Variants in SCNN1B observed in about 807,000 individuals in gnomAD.
SCNN1B encodes epithelial sodium channel subunit beta.
A neutral mutation model predicts 65.3 loss-of-function variants in SCNN1B; 46 were observed. The ratio of observed to expected loss-of-function variants is 0.70; its 90% confidence interval spans 0.56 to 0.90. The LOEUF is 0.90. Ranked by LOEUF, SCNN1B falls within the 40% of genes least tolerant of loss-of-function variation. The pLI, the probability that SCNN1B is intolerant of heterozygous loss-of-function variation, is 0.00. For missense variants in SCNN1B, 751 were observed against 830.5 expected, an observed-to-expected ratio of 0.90 and a Z score of 1.18; for synonymous variants, 349 against 330.6, an observed-to-expected ratio of 1.06 and a Z score of -0.60.
chr16:23,316,422 C>T (rs1321788633), intron 1 of SCNN1B, among the ~76,000 whole-genome samples: 1 of 146,640 alleles, frequency 6.8e-6, no homozygotes, highest in Non-Finnish European at 1.5e-5. Flanking sequence ...ATCACCATCA[C>T]CATCTCCTTC....
intron 4 of SCNN1B, among the ~76,000 whole-genome samples, chr16:23,363,685 A>C (rs1354826806): frequency 1.3e-5 from 2 of 152,068 alleles, no homozygotes; most frequent in African/African-American, 4.8e-5. Flanking sequence ...GTGGTGGCAC[A>C]TGCCTGTAGT....
chr16:23,358,807 C>G (rs1396794412), intron 4 of SCNN1B, among the ~76,000 whole-genome samples: 8 of 152,120 alleles, frequency 5.3e-5, no homozygotes, highest in Admixed American at 5.2e-4. Flanking sequence ...CTCAGGTGAC[C>G]GAGGCACGAG....
chr16:23,365,620 A>AGAAAGAAAGAAAG (rs11399911), intron 4 of SCNN1B, among the ~76,000 whole-genome samples: 8 of 80,498 alleles, frequency 9.9e-5, no homozygotes, highest in Admixed American at 3.7e-4. Flanking sequence ...AAAGAAAGAA[A>AGAAAGAAAGAAAG]AAAGAAAGAA....
chr16:23,360,348 C>A (rs995054352), intron 4 of SCNN1B, among the ~76,000 whole-genome samples: 1 of 151,928 alleles, frequency 6.6e-6, no homozygotes, highest in African/African-American at 2.4e-5. Context: ...CCAACCTGAG[C>A]AACATAGTGA....
At chr16:23,310,749 T>C (rs975685791) in intron 1 of SCNN1B, among the ~76,000 whole-genome samples, 1 of 152,274 alleles carries the variant, frequency 6.6e-6, no homozygotes, top group African/African-American at 2.4e-5. Context: ...GCAAAGGCTA[T>C]AATTTGGTTG....
intron 1 of SCNN1B, among the ~76,000 whole-genome samples, chr16:23,347,254 C>T (rs1962209657): frequency 6.6e-6 from 1 of 152,132 alleles, no homozygotes; most frequent in Admixed American, 6.6e-5. Flanking sequence ...TAACATCTGT[C>T]TTACCCACCG....
In SCNN1B at chr16:23,367,799, C is replaced by G. The variant is rs1164507188; in HGVS notation, c.777-57C>G. 6.1e-6 allele frequency: 8 copies of G among 1,317,976 alleles called. No homozygotes were observed. In the Admixed American group the frequency reaches 1.3e-4, roughly 22 times the overall value. The allele number at this position is 1,317,976 out of a possible 1,614,324, so 81.6% of individuals were successfully genotyped here. A position where few individuals can be genotyped will look rare whatever the true frequency, so the allele number is the denominator to read the frequency against. On this transcript the variant is annotated intron_variant, in intron 4 of 12. Transcript: ENST00000343070. ...AAATGAAAGGTGGACGGCAGACAGTCGGGGGAGGCATTGCCTGTGGTGGAA... is the reference window on the plus strand; with the variant it reads ...AAATGAAAGGTGGACGGCAGACAGTGGGGGGAGGCATTGCCTGTGGTGGAA...
At chr16:23,377,695 C>A (rs1962940567) in intron 10 of SCNN1B, among the ~76,000 whole-genome samples, 1 of 101,618 alleles carries the variant, frequency 9.8e-6, no homozygotes, top group Non-Finnish European at 2.1e-5. Flanking sequence ...TTCTCATTTC[C>A]TTCCTTCTTT....
In SCNN1B at chr16:23,359,263, A is replaced by G. The variant is rs559476268; in HGVS notation, c.776+3774A>G. On this transcript the variant is annotated intron_variant, in intron 4 of 12. Coordinates refer to ENST00000343070, the MANE Select transcript of SCNN1B (RefSeq NM_000336.3). ...TTGCTGTAACCTGCCCAGAGAGGTT[A>G]AGTAACATCTCTGAAGTCACACAGT... is the stretch of plus-strand genomic sequence containing the variant. 9.8e-5 allele frequency: 15 copies of G among 152,298 alleles called. No homozygotes were observed. In the East Asian group the frequency reaches 2.7e-3, roughly 27 times the overall value. 9.4% of individuals were successfully genotyped at this position (152,298 alleles called of 1,614,324 possible).
At chr16:23,310,063 TC>T (rs2141984344) in intron 1 of SCNN1B, among the ~76,000 whole-genome samples, 1 of 152,024 alleles carries the variant, frequency 6.6e-6, no homozygotes, top group East Asian at 1.9e-4. Context: ...CCTCCACACA[TC>T]CTCTTTGAAG....
intron 7 of SCNN1B, 37 bp downstream of exon 7, chr16:23,371,920 C>T: frequency 5.4e-6 from 8 of 1,486,366 alleles, no homozygotes; most frequent in Non-Finnish European, 7.5e-6. Flanking sequence ...CCCGGGGCCC[C>T]TGTCCGGGTT....
At chr16:23,283,354 T>C (rs911482635) in intron 1 of SCNN1B, among the ~76,000 whole-genome samples, 6 of 152,244 alleles carry the variant, frequency 3.9e-5, no homozygotes, top group Admixed American at 3.9e-4. Flanking sequence ...GATGTTGCAG[T>C]GACCCAAGAT....
intron 1 of SCNN1B, among the ~76,000 whole-genome samples, chr16:23,347,082 G>A (rs1444854276): frequency 6.6e-6 from 1 of 152,124 alleles, no homozygotes; most frequent in Non-Finnish European, 1.5e-5. Context: ...GGGTGATAGA[G>A]TGAGACCCTG....
chr16:23,345,385 C>T (rs773514639), intron 1 of SCNN1B, among the ~76,000 whole-genome samples: 2 of 152,160 alleles, frequency 1.3e-5, no homozygotes, highest in Non-Finnish European at 2.9e-5. Flanking sequence ...TTTGGATATG[C>T]ATAAATAAGA....
chr16:23,372,203 G>C, intron 7 of SCNN1B: 2 of 438,826 alleles, frequency 4.6e-6, no homozygotes, highest in South Asian at 2.2e-5. Flanking sequence ...CATTGTGTGT[G>C]AAATGCTGTG....
intron 2 of SCNN1B, among the ~76,000 whole-genome samples, chr16:23,289,725 G>C (rs191866670): frequency 1.4e-5 from 2 of 148,136 alleles, no homozygotes; most frequent in African/African-American, 5.0e-5. Context: ...ACTTAGGCTG[G>C]AGTGCAGTGG....
At chr16:23,311,319 A>T (rs770981787) in intron 1 of SCNN1B, among the ~76,000 whole-genome samples, 23 of 152,178 alleles carry the variant, frequency 1.5e-4, no homozygotes, top group Admixed American at 2.6e-4. Context: ...CTCATTCCTT[A>T]GCCAAGATCT....
intron 1 of SCNN1B, among the ~76,000 whole-genome samples, chr16:23,310,021 C>T (rs1961307277): frequency 4.6e-5 from 7 of 152,084 alleles, no homozygotes. Context: ...ACAGTCATAT[C>T]CTGCAGATAA....
rs1261471133 is a variant in SCNN1B, at chr16:23,378,690, C to A, written c.1405-16C>A. The A allele has an allele frequency of 6.2e-7, 1 of 1,614,078 alleles. No individual in the cohort carries two copies. The highest frequency in any genetic ancestry group is 8.5e-7 in the Non-Finnish European group (1 of 1,179,948). On this transcript the variant is annotated splice_polypyrimidine_tract_variant and intron_variant, in intron 10 of 12. Coordinates refer to ENST00000343070, the MANE Select transcript of SCNN1B (RefSeq NM_000336.3). Reference sequence around the variant, plus strand: ...CTGCAGATGGCAACTTTTGCAACCACCTTCTTGGGTTCCAGGACTGGATTT... The same window carrying A: ...CTGCAGATGGCAACTTTTGCAACCAACTTCTTGGGTTCCAGGACTGGATTT...
Sources: gnomAD v4.1 joint callset for allele counts (sites outside exome capture counted in the v4.1 genomes callset) on GRCh38, gnomAD v4.1.1 for gene constraint, MANE v1.5 for transcripts, NCBI Gene and HGNC (gene_info 2026-07-23, HGNC 2026-07-21) for gene names.